ADAMTS17: variants seen among roughly 807,000 people sequenced by gnomAD.
ADAMTS17 encodes the protein A disintegrin and metalloproteinase with thrombospondin motifs 17.
In ADAMTS17, 113 loss-of-function variants were observed where a neutral mutation model predicts 141.5. The ratio of observed to expected loss-of-function variants is 0.80; its 90% confidence interval spans 0.69 to 0.93. The LOEUF is 0.93. Among genes scored for constraint, ADAMTS17 ranks in the 40% least tolerant of loss-of-function variants. ADAMTS17 has a pLI of 0.00. For missense variants in ADAMTS17, 1,659 were observed against 1,517.9 expected, an observed-to-expected ratio of 1.09 and a Z score of -1.54; for synonymous variants, 768 against 630.6, an observed-to-expected ratio of 1.22 and a Z score of -3.27.
At chr15:100,301,071 G>A (rs988179172) in intron 3 of ADAMTS17, among the ~76,000 whole-genome samples, 1 of 152,184 alleles carries the variant, frequency 6.6e-6, no homozygotes, top group Non-Finnish European at 1.5e-5. Flanking sequence ...TAAAATAAGT[G>A]AAAGAGCAAA....
chr15:100,179,319 T>C (rs2141518163), intron 8 of ADAMTS17, among the ~76,000 whole-genome samples: 1 of 152,334 alleles, frequency 6.6e-6, no homozygotes, highest in East Asian at 1.9e-4. Context: ...GTAGAACATG[T>C]GAAGTTCGTA....
chr15:100,265,857 A>C (rs2043695935), intron 4 of ADAMTS17, among the ~76,000 whole-genome samples: 1 of 152,226 alleles, frequency 6.6e-6, no homozygotes, highest in Non-Finnish European at 1.5e-5. Flanking sequence ...TTGGAAATGC[A>C]CATTCTGGAG....
At chr15:100,148,616 A>T (rs2039019578) in intron 10 of ADAMTS17, among the ~76,000 whole-genome samples, 1 of 151,614 alleles carries the variant, frequency 6.6e-6, no homozygotes. Flanking sequence ...CTTTATCTGT[A>T]TATAACTTAT....
Position 99,971,576 on chromosome 15 carries a change from A to AAAAC in ADAMTS17, c.*2822_*2825dup, listed in dbSNP as rs761921447. ...CCTTTCAAAACCAGCCCCAAAAAGT[A>AAAAC]AAACAAAAATTCCATGGGTACAGTA... On this transcript the variant is annotated 3_prime_UTR_variant, in exon 22 of 22. Coordinates refer to ENST00000268070, the MANE Select transcript of ADAMTS17 (RefSeq NM_139057.4). The AAAAC allele has an allele frequency of 6.6e-6, 1 of 152,246 alleles. No individual in the cohort carries two copies. Among genetic ancestry groups the AAAAC allele is most frequent in the Non-Finnish European group, 1.5e-5 (1 of 68,038 alleles). 9.4% of individuals were successfully genotyped at this position (152,246 alleles called of 1,614,324 possible). A position where few individuals can be genotyped will look rare whatever the true frequency, so the allele number is the denominator to read the frequency against.
At chr15:100,253,505 A>AACGTAGAAGGGGAGGGGG (rs2043224337) in intron 7 of ADAMTS17, among the ~76,000 whole-genome samples, 1 of 23,338 alleles carries the variant, frequency 4.3e-5, no homozygotes, top group Non-Finnish European at 7.2e-5. Flanking sequence ...GGGGGAGGGG[A>AACGTAGAAGGGGAGGGGG]AGGTAGAGGG....
chr15:100,302,801 A>G (rs1006284607), intron 3 of ADAMTS17, among the ~76,000 whole-genome samples: 1 of 152,160 alleles, frequency 6.6e-6, no homozygotes, highest in Admixed American at 6.5e-5. Context: ...CAGGACATTC[A>G]CATTTGAATC....
intron 18 of ADAMTS17, among the ~76,000 whole-genome samples, chr15:100,001,504 A>G (rs918066397): frequency 2.0e-5 from 3 of 152,184 alleles, no homozygotes; most frequent in Non-Finnish European, 4.4e-5. Flanking sequence ...GAAGCCTAAG[A>G]TGAACCATAG....
At chr15:100,132,898 G>T (rs950835952) in intron 11 of ADAMTS17, among the ~76,000 whole-genome samples, 9 of 152,216 alleles carry the variant, frequency 5.9e-5, no homozygotes, top group African/African-American at 2.2e-4. Context: ...AGCCTACTGT[G>T]TATGGCAGGT....
At chr15:100,337,549 C>T (rs1005195418) in intron 2 of ADAMTS17, among the ~76,000 whole-genome samples, 4 of 152,228 alleles carry the variant, frequency 2.6e-5, no homozygotes, top group Admixed American at 1.3e-4. Context: ...TAATGTTTTG[C>T]AGCCCAGAGC....
chr15:100,133,076 C>T (rs959483583), intron 11 of ADAMTS17, 138 bp downstream of exon 11: 2 of 757,034 alleles, frequency 2.6e-6, no homozygotes, highest in Non-Finnish European at 4.3e-6. Context: ...CCGGAGTGGC[C>T]TCCATGGGCA....
chr15:100,037,786 T>A (rs2030885016), intron 18 of ADAMTS17, among the ~76,000 whole-genome samples: 1 of 152,048 alleles, frequency 6.6e-6, no homozygotes, highest in Non-Finnish European at 1.5e-5. Flanking sequence ...GTCCTTTATC[T>A]TTTTTTGAGA....
chr15:100,278,555 C>T (rs1419248462), intron 4 of ADAMTS17, among the ~76,000 whole-genome samples: 1 of 152,092 alleles, frequency 6.6e-6, no homozygotes, highest in South Asian at 2.1e-4. Context: ...GTGGGTCCAG[C>T]GGCTCGACAT....
intron 20 of ADAMTS17, among the ~76,000 whole-genome samples, chr15:99,984,561 C>T (rs2060547192): frequency 6.6e-6 from 1 of 152,168 alleles, no homozygotes; most frequent in South Asian, 2.1e-4. Flanking sequence ...GATCAAAAGC[C>T]CCTACTGGGC....
intron 15 of ADAMTS17, among the ~76,000 whole-genome samples, chr15:100,078,921 C>A (rs1000536477): frequency 6.6e-6 from 1 of 152,050 alleles, no homozygotes; most frequent in African/African-American, 2.4e-5. Flanking sequence ...ACAGGCACTT[C>A]CGCAAAAAAG....
At chr15:100,241,526 G>A (rs1378668551) in intron 7 of ADAMTS17, among the ~76,000 whole-genome samples, 1 of 152,204 alleles carries the variant, frequency 6.6e-6, no homozygotes, top group Admixed American at 6.5e-5. Context: ...TCTCACTCAT[G>A]TAACATCCAA....
intron 20 of ADAMTS17, among the ~76,000 whole-genome samples, chr15:99,986,235 A>G (rs182410985): frequency 6.6e-6 from 1 of 152,170 alleles, no homozygotes; most frequent in East Asian, 1.9e-4. Context: ...GTCTGTAACT[A>G]CCCTCTCGCG....
chr15:100,106,750 T>C (rs1567182939), intron 14 of ADAMTS17, among the ~76,000 whole-genome samples: 1 of 152,188 alleles, frequency 6.6e-6, no homozygotes, highest in Non-Finnish European at 1.5e-5. Context: ...GGCAGGATGG[T>C]CTGTGGAAGT....
chr15:100,214,312 G>C (rs1022948740), intron 7 of ADAMTS17, among the ~76,000 whole-genome samples: 41 of 152,230 alleles, frequency 2.7e-4, no homozygotes, highest in African/African-American at 9.6e-4. Context: ...TCTTTGCTAT[G>C]TGCTAAGATA....
chr15:100,177,249 C>A (rs981902453), intron 8 of ADAMTS17, among the ~76,000 whole-genome samples: 1 of 152,206 alleles, frequency 6.6e-6, no homozygotes, highest in South Asian at 2.1e-4. Context: ...ATTATTCATT[C>A]GCAATCTTTC....
Sources: allele counts gnomAD v4.1 joint callset (sites outside exome capture counted in the v4.1 genomes callset), GRCh38; gene constraint gnomAD v4.1.1; transcripts MANE v1.5; gene names NCBI Gene and HGNC (gene_info 2026-07-23, HGNC 2026-07-21).